Variants in ALDH9A1 observed in about 807,000 individuals in gnomAD.
ALDH9A1 encodes aldehyde dehydrogenase 9 family member A1.
Under a neutral mutation model 56.6 loss-of-function variants are expected in ALDH9A1, and 42 were observed. The observed-to-expected ratio is 0.74, with a 90% CI of 0.58 to 0.96. The LOEUF (loss-of-function observed/expected upper bound fraction) is 0.96, where lower values mean the gene tolerates loss of function less well. Ranked by LOEUF, ALDH9A1 falls within the 40% of genes least tolerant of loss-of-function variation. The pLI, the probability that ALDH9A1 is intolerant of heterozygous loss-of-function variation, is 0.00. For missense variants in ALDH9A1, 661 were observed against 651.5 expected (o/e 1.01, Z -0.16); for synonymous variants, 242 against 236.0 (o/e 1.03, Z -0.23).
intron 6 of ALDH9A1, among the ~76,000 whole-genome samples, chr1:165,670,544 T>C (rs1325843822): frequency 6.6e-6 from 1 of 152,018 alleles, no homozygotes; most frequent in Non-Finnish European, 1.5e-5. Context: ...ATTGATAAAT[T>C]TGACTATAGA....
At chr1:165,678,451 T>G (rs1258800824) in intron 6 of ALDH9A1, among the ~76,000 whole-genome samples, 1 of 152,148 alleles carries the variant, frequency 6.6e-6, no homozygotes, top group African/African-American at 2.4e-5. Context: ...AATAAATGAA[T>G]GGAAAACAAA....
Position 165,693,264 on chromosome 1 carries a change from C to A in ALDH9A1, c.327+1988G>T, listed in dbSNP as rs1649953654. Among the ~76,000 whole-genome samples, 3 of 152,300 alleles carry A rather than the reference C, an allele frequency of 2.0e-5. No homozygotes were observed. In the South Asian group the frequency reaches 6.2e-4, roughly 32 times the overall value. ...TCTGCACAGCAAAAGAAACTACCAT[C>A]AGAGTGAACAGGCAACCTACAGAAT... is the stretch of plus-strand genomic sequence containing the variant. On this transcript the variant is annotated intron_variant, in intron 2 of 10. Coordinates refer to ENST00000354775, the MANE Select transcript of ALDH9A1 (RefSeq NM_000696.4).
At chr1:165,671,448 C>G in intron 6 of ALDH9A1, 6 of 442,868 alleles carry the variant, frequency 1.4e-5, no homozygotes, top group Non-Finnish European at 1.8e-5. Context: ...GAGAGATTCA[C>G]ATGATGCTGC....
Position 165,679,540 on chromosome 1 carries a change from C to G in ALDH9A1, c.832G>C (p.Glu278Gln), listed in dbSNP as rs758047522. 1 of 1,614,152 alleles carries G rather than the reference C, an allele frequency of 6.2e-7. No individual in the cohort carries two copies. The highest frequency in any genetic ancestry group is 1.1e-5 in the South Asian group (1 of 91,070). The change falls in exon 6 of 11, where the codon GAA becomes CAA. Residue 278 changes from glutamate to glutamine, a missense_variant. Transcript: ENST00000354775. ...SAKGIKPVTLELGGKSPLIIF... is the reference protein window; with the variant it reads ...SAKGIKPVTLQLGGKSPLIIF... ...ATGAGTGGAGATTTGCCTCCAAGTTCCAAGGTAACAGGTTTGATTCCTTTA... is the reference window on the plus strand; with the variant it reads ...ATGAGTGGAGATTTGCCTCCAAGTTGCAAGGTAACAGGTTTGATTCCTTTA...
In ALDH9A1 at chr1:165,663,112, C is replaced by T. The variant is rs767836676; in HGVS notation, c.1495G>A (p.Glu499Lys). The T allele has an allele frequency of 1.9e-5, 31 of 1,613,892 alleles. No homozygotes were observed. Among genetic ancestry groups the T allele is most frequent in the African/African-American group, 4.0e-5 (3 of 74,906 alleles). Residue 499 changes from glutamate (E) to lysine (K), a missense_variant, in exon 11 of 11, where the codon GAA (glutamate) becomes AAA (lysine). Coordinates refer to ENST00000354775, the MANE Select transcript of ALDH9A1 (RefSeq NM_000696.4). ...ACAGTCTTCAGCTGTGAATAATATT[C>T]GATTGTCACACGGCCGTTCTCTCTG... Reference protein sequence around the residue: ...FGRENGRVTIEYYSQLKTVCV... With the variant: ...FGRENGRVTIKYYSQLKTVCV...
intron 2 of ALDH9A1, among the ~76,000 whole-genome samples, chr1:165,687,769 C>G (rs1276509160): frequency 6.6e-6 from 1 of 152,076 alleles, no homozygotes; most frequent in African/African-American, 2.4e-5. Flanking sequence ...GGGCGGATCA[C>G]TGGAGGTCAG....
At chr1:165,680,452 C>T (rs1366862825) in intron 5 of ALDH9A1, 35 bp downstream of exon 5, 2 of 1,603,838 alleles carry the variant, frequency 1.2e-6, no homozygotes, top group Non-Finnish European at 8.5e-7. Context: ...CATCCAAATG[C>T]CATGTGTGTT....
intron 2 of ALDH9A1, among the ~76,000 whole-genome samples, chr1:165,693,713 G>C (rs564283882): frequency 6.6e-6 from 1 of 152,152 alleles, no homozygotes; most frequent in South Asian, 2.1e-4. Context: ...TCCCATTACT[G>C]GGTATATACT....
At chr1:165,671,703 C>A in intron 6 of ALDH9A1, 1 of 440,276 alleles carries the variant, frequency 2.3e-6, no homozygotes, top group South Asian at 1.8e-5. Flanking sequence ...AAATATGAAT[C>A]ATATACAGCC....
chr1:165,681,978 A>T, intron 4 of ALDH9A1, 129 bp downstream of exon 4: 1 of 1,281,496 alleles, frequency 7.8e-7, no homozygotes, highest in Non-Finnish European at 1.1e-6. Flanking sequence ...TGAGGCTTTG[A>T]ATATCCCAGA....
chr1:165,688,144 C>T (rs1026012336), intron 2 of ALDH9A1, among the ~76,000 whole-genome samples: 3 of 151,890 alleles, frequency 2.0e-5, no homozygotes, highest in East Asian at 1.9e-4. Context: ...TGAATAAACC[C>T]GCTCTCTACA....
In ALDH9A1 at chr1:165,695,397, C is replaced by G. The variant is rs757502621; in HGVS notation, c.182G>C (p.Gly61Ala). 2 of 1,597,260 alleles carry G rather than the reference C, an allele frequency of 1.3e-6. No individual in the cohort carries two copies. Among genetic ancestry groups the G allele is most frequent in the Admixed American group, 3.6e-5 (2 of 56,332 alleles). The change falls in exon 2 of 11, where the codon GGC (glycine) becomes GCC (alanine). Residue 61 changes from glycine to alanine, a missense_variant and splice_region_variant. Transcript: ENST00000354775. ...ACATGTGAAAGTAGCTATCACTCGG[C>G]CTATAAAGAGCGGAAACATCAGTTT... ...GTEKAFEPAT[G>A]RVIATFTCSG...
At chr1:165,666,786 A>G (rs1649022507) in intron 9 of ALDH9A1, among the ~76,000 whole-genome samples, 1 of 152,244 alleles carries the variant, frequency 6.6e-6, no homozygotes, top group Non-Finnish European at 1.5e-5. Context: ...GGTTTCAAAG[A>G]AATTGTACTC....
chr1:165,685,475 C>G (rs896323784), intron 2 of ALDH9A1, among the ~76,000 whole-genome samples: 2 of 152,158 alleles, frequency 1.3e-5, no homozygotes, highest in Non-Finnish European at 2.9e-5. Flanking sequence ...CAACAATCAC[C>G]TTGTCCAGAA....
intron 9 of ALDH9A1, among the ~76,000 whole-genome samples, chr1:165,666,698 T>G (rs1483007002): frequency 6.6e-6 from 1 of 152,170 alleles, no homozygotes; most frequent in African/African-American, 2.4e-5. Flanking sequence ...TAATCCCAAG[T>G]GTAAAGCCGC....
chr1:165,685,065 T>C (rs1333668462), intron 2 of ALDH9A1, among the ~76,000 whole-genome samples: 1 of 152,222 alleles, frequency 6.6e-6, no homozygotes, highest in East Asian at 1.9e-4. Context: ...ATCAAAGATG[T>C]CTCTGACAAA....
At chr1:165,682,829 AT>A in intron 3 of ALDH9A1, 151 bp downstream of exon 3, 1 of 818,486 alleles carries the variant, frequency 1.2e-6, no homozygotes, top group Non-Finnish European at 1.8e-6. Flanking sequence ...ATTAGGAAAG[AT>A]AAAGTAATTC....
At chr1:165,663,556 A>G (rs1648907853) in intron 10 of ALDH9A1, among the ~76,000 whole-genome samples, 1 of 152,260 alleles carries the variant, frequency 6.6e-6, no homozygotes, top group African/African-American at 2.4e-5. Flanking sequence ...CACCTATAAG[A>G]GCAACCTAGT....
At chr1:165,689,641 CAAA>C (rs1558011479) in intron 2 of ALDH9A1, among the ~76,000 whole-genome samples, 2 of 152,026 alleles carry the variant, frequency 1.3e-5, no homozygotes, top group Non-Finnish European at 2.9e-5. Flanking sequence ...GCTTTGAAAA[CAAA>C]AAAACTAGGC....
Sources: gnomAD v4.1 joint callset for allele counts (sites outside exome capture counted in the v4.1 genomes callset) on GRCh38, gnomAD v4.1.1 for gene constraint, MANE v1.5 for transcripts, NCBI Gene and HGNC (gene_info 2026-07-23, HGNC 2026-07-21) for gene names.